Variants in ANO2 observed in about 807,000 individuals in gnomAD.
ANO2 encodes the protein anoctamin 2.
A neutral mutation model predicts 124.2 loss-of-function variants in ANO2; 101 were observed. That is an observed-to-expected ratio of 0.81 (90% CI 0.69 to 0.96). The LOEUF is 0.96. ANO2 is among the 40% of genes least tolerant of loss of function. The probability of loss-of-function intolerance (pLI) is 0.00; values close to 1 mark genes in which losing one functional copy is unlikely to be tolerated. For synonymous variants in ANO2, 486 were observed against 482.5 expected (o/e 1.01, Z -0.09); for missense variants, 1,293 against 1,274.5 (o/e 1.01, Z -0.22).
rs145644021 is a variant in ANO2, at chr12:5,577,931, T to C, written c.2439+24A>G. The C allele has an allele frequency of 7.6e-4, 1,229 of 1,609,894 alleles. 5 individuals are homozygous for C. In the African/African-American group the frequency reaches 0.011, roughly 14 times the overall value. ...CTGGAAGCCCTTCCCACAGAGCGAGTGTGTCATGAATGCAAGTACTTACGT... is the reference window on the plus strand; with the variant it reads ...CTGGAAGCCCTTCCCACAGAGCGAGCGTGTCATGAATGCAAGTACTTACGT... On this transcript the variant is annotated intron_variant, in intron 22 of 24. Transcript: ENST00000682330.
At chr12:5,922,507 C>T in intron 2 of ANO2, 113 bp downstream of exon 2, 1 of 1,224,832 alleles carries the variant, frequency 8.2e-7, no homozygotes, top group South Asian at 1.6e-5. Flanking sequence ...CTAGGTCTCT[C>T]TCTTTCACGC....
At chr12:5,922,599 C>A in intron 2 of ANO2, 21 bp downstream of exon 2, 1 of 1,504,140 alleles carries the variant, frequency 6.6e-7, no homozygotes, top group South Asian at 1.2e-5. Context: ...TCCCCCCACC[C>A]CACCCCCGCC....
At chr12:5,717,802 A>T (rs1950076850) in intron 14 of ANO2, among the ~76,000 whole-genome samples, 1 of 152,150 alleles carries the variant, frequency 6.6e-6, no homozygotes, top group African/African-American at 2.4e-5. Flanking sequence ...GTTCTTGGGG[A>T]ATATTACGGA....
intron 3 of ANO2, among the ~76,000 whole-genome samples, chr12:5,885,091 C>T (rs1193755329): frequency 6.6e-6 from 1 of 152,212 alleles, no homozygotes; most frequent in African/African-American, 2.4e-5. Context: ...ACAAAATTTC[C>T]TTTGGTGGAG....
chr12:5,648,470 C>T lies in ANO2; in HGVS notation c.1546-669G>A, dbSNP rs115083562. ...GCTGAGAATCCTACCCTTTTCCCCT[C>T]GGACTGGGTCCAGTTCACCCAGGCC... is the stretch of plus-strand genomic sequence containing the variant. On this transcript the variant is annotated intron_variant, in intron 14 of 24. Transcript: ENST00000682330. 3.2e-3 allele frequency among the ~76,000 whole-genome samples: 485 copies of T among 152,318 alleles called. 4 individuals carry two copies. Among genetic ancestry groups the T allele is most frequent in the African/African-American group, 0.011 (456 of 41,570 alleles).
intron 14 of ANO2, among the ~76,000 whole-genome samples, chr12:5,710,321 C>T (rs1410552772): frequency 1.3e-5 from 2 of 152,214 alleles, no homozygotes; most frequent in Non-Finnish European, 2.9e-5. Context: ...TCCCTCTTGT[C>T]AGTGATGCAG....
At chr12:5,638,224 A>C (rs1223356719) in intron 15 of ANO2, among the ~76,000 whole-genome samples, 2 of 127,232 alleles carry the variant, frequency 1.6e-5, no homozygotes, top group Non-Finnish European at 3.4e-5. Flanking sequence ...CTTCACTAGC[A>C]CTGTTTCTTT....
intron 7 of ANO2, among the ~76,000 whole-genome samples, chr12:5,812,384 A>G (rs200961818): frequency 1.9e-4 from 14 of 74,232 alleles, no homozygotes; most frequent in South Asian, 9.4e-4. Context: ...AGAAAGAAAG[A>G]AAGAAGGGAA....
rs771047301 is a variant in ANO2 at position 5,908,321 on chromosome 12, G to A, written c.534+12719C>T. Among the ~76,000 whole-genome samples, 3 of 152,232 alleles carry A rather than the reference G, an allele frequency of 2.0e-5. No individual in the cohort carries two copies. Among genetic ancestry groups the A allele is most frequent in the African/African-American group, 7.2e-5 (3 of 41,460 alleles). On this transcript the variant is annotated intron_variant, in intron 3 of 24. Transcript: ENST00000682330. This position sits in a 1 kb window ranked among gnomAD's most constrained non-coding sequence, Gnocchi z 4.7. ...TGGGCTGGAAGAGCCCAGAAAGAAC[G>A]GATCAACAGCATGGGCTAAAATATC...
intron 19 of ANO2, among the ~76,000 whole-genome samples, chr12:5,611,606 G>GTTTGTTTAAAGTT (rs1944550883): frequency 6.6e-6 from 1 of 152,148 alleles, no homozygotes; most frequent in South Asian, 2.1e-4. Flanking sequence ...TGAAACAAAT[G>GTTTGTTTAAAGTT]CCTTTGTTGC....
intron 3 of ANO2, among the ~76,000 whole-genome samples, chr12:5,888,196 T>C (rs1428478770): frequency 6.7e-6 from 1 of 150,158 alleles, no homozygotes; most frequent in Non-Finnish European, 1.5e-5. Flanking sequence ...TCGCGGTGAG[T>C]GTTACAGCTC....
intron 3 of ANO2, among the ~76,000 whole-genome samples, chr12:5,888,564 T>C (rs1939141733): frequency 6.6e-6 from 1 of 152,154 alleles, no homozygotes; most frequent in Non-Finnish European, 1.5e-5. Flanking sequence ...TTACAATCCC[T>C]GAGCTAGACA....
intron 14 of ANO2, among the ~76,000 whole-genome samples, chr12:5,691,819 CT>C (rs1948954472): frequency 6.6e-6 from 1 of 152,058 alleles, no homozygotes; most frequent in African/African-American, 2.4e-5. Flanking sequence ...AGGAGAATCC[CT>C]TGAACCCAGG....
rs374272796 is a variant in ANO2, at chr12:5,674,264, A to G, written c.1546-26463T>C. Among the ~76,000 whole-genome samples the G allele has an allele frequency of 3.6e-4, 55 of 152,270 alleles. 1 individual carries two copies. In the East Asian group the frequency reaches 0.011, roughly 29 times the overall value. ...GCAAAGGAAAGAAGAGTAAAATAAA[A>G]TTGTCATGGGATGGTAACTTCCTAC... is the stretch of plus-strand genomic sequence containing the variant. On this transcript the variant is annotated intron_variant, in intron 14 of 24. Coordinates refer to ENST00000682330, the MANE Select transcript of ANO2 (RefSeq NM_001364791.2).
Position 5,688,164 on chromosome 12 carries a change from A to C in ANO2, c.1546-40363T>G, listed in dbSNP as rs1318551370. Among the ~76,000 whole-genome samples, 8 of 152,216 alleles carry C rather than the reference A, an allele frequency of 5.3e-5. 1 individual carries two copies. The highest frequency in any genetic ancestry group is 1.0e-4 in the Non-Finnish European group (7 of 68,040). On this transcript the variant is annotated intron_variant, in intron 14 of 24. Coordinates refer to ENST00000682330, the MANE Select transcript of ANO2 (RefSeq NM_001364791.2). ...CTAGAAACAACAACTGTGATGGAAA[A>C]TATGCCAAAACCGTACTCCAAATCG...
At chr12:5,603,500 A>G (rs1374674959) in intron 19 of ANO2, among the ~76,000 whole-genome samples, 6 of 152,204 alleles carry the variant, frequency 3.9e-5, no homozygotes, top group Admixed American at 1.3e-4. Context: ...AGATGGTAGA[A>G]GAAGAAAGAG....
chr12:5,707,694 T>C (rs542021039), intron 14 of ANO2, among the ~76,000 whole-genome samples: 11 of 152,310 alleles, frequency 7.2e-5, no homozygotes, highest in African/African-American at 1.9e-4. Flanking sequence ...AAACATACCT[T>C]CCGAGTTTAT....
intron 10 of ANO2, among the ~76,000 whole-genome samples, chr12:5,759,455 C>A (rs150895695): frequency 6.6e-6 from 1 of 152,070 alleles, no homozygotes; most frequent in East Asian, 1.9e-4. Context: ...CAGACTGGTA[C>A]CTGTCCATGT....
chr12:5,722,802 A>G (rs1260347895), intron 14 of ANO2, among the ~76,000 whole-genome samples: 4 of 152,226 alleles, frequency 2.6e-5, no homozygotes, highest in Non-Finnish European at 5.9e-5. Context: ...ATAAAAATGC[A>G]TGAGAAAAGA....
Sources: gnomAD v4.1 joint callset for allele counts (sites outside exome capture counted in the v4.1 genomes callset) on GRCh38, gnomAD v4.1.1 for gene constraint, Gnocchi (gnomAD v3.1) non-coding constraint, MANE v1.5 for transcripts, NCBI Gene and HGNC (gene_info 2026-07-23, HGNC 2026-07-21) for gene names.